The following DNMBP variants were observed in gnomAD, a reference collection of about 807,000 sequenced individuals.
The protein encoded by DNMBP is dynamin-binding protein.
A neutral mutation model predicts 150.0 loss-of-function variants in DNMBP; 87 were observed. The ratio of observed to expected loss-of-function variants is 0.58; its 90% CI spans 0.49 to 0.69. The LOEUF (loss-of-function observed/expected upper bound fraction) is 0.69, where lower values mean the gene tolerates loss of function less well. Among genes scored for constraint, DNMBP ranks in the 30% least tolerant of loss-of-function variants. The probability of loss-of-function intolerance (pLI) is 0.00; values close to 1 mark genes in which losing one functional copy is unlikely to be tolerated. For synonymous variants in DNMBP, 711 were observed against 750.4 expected (o/e 0.95, Z 0.86); for missense variants, 1,774 against 1,949.0 (o/e 0.91, Z 1.69).
At chr10:99,930,916 CG>C (rs1342949419) in intron 4 of DNMBP, 15 of 536,272 alleles carry the variant, frequency 2.8e-5, no homozygotes. Context: ...CTAGTCGGAG[CG>C]CAGTGAGATG....
chr10:99,924,421 C>A (rs1180568571), intron 4 of DNMBP, among the ~76,000 whole-genome samples: 3 of 152,122 alleles, frequency 2.0e-5, no homozygotes, highest in African/African-American at 7.2e-5. Flanking sequence ...CCAGCCCGGG[C>A]GACAGAGCGA....
At chr10:99,992,526 GT>G (rs1164839351) in intron 1 of DNMBP, among the ~76,000 whole-genome samples, 1,378 of 129,588 alleles carry the variant, frequency 0.011, 20 homozygotes, top group East Asian at 0.069. Context: ...GAATCTAGGA[GT>G]TTTTTTTTTT....
At chr10:99,950,349 G>T (rs1044492748) in intron 4 of DNMBP, among the ~76,000 whole-genome samples, 1 of 152,104 alleles carries the variant, frequency 6.6e-6, no homozygotes, top group Non-Finnish European at 1.5e-5. Flanking sequence ...TGTGAACATG[G>T]ACTAATACAG....
intron 4 of DNMBP, among the ~76,000 whole-genome samples, chr10:99,949,486 A>T (rs2040395984): frequency 6.6e-6 from 1 of 152,224 alleles, no homozygotes; most frequent in Admixed American, 6.5e-5. Context: ...CTCTTGAGGG[A>T]TAGCTTATAT....
At chr10:99,961,598 G>T (rs2040566103) in intron 3 of DNMBP, among the ~76,000 whole-genome samples, 1 of 151,462 alleles carries the variant, frequency 6.6e-6, no homozygotes, top group Non-Finnish European at 1.5e-5. Flanking sequence ...TACGACCCTG[G>T]TCCAATTCCC....
chr10:99,948,240 T>C (rs554988780), intron 4 of DNMBP, among the ~76,000 whole-genome samples: 2 of 152,344 alleles, frequency 1.3e-5, no homozygotes, highest in Admixed American at 6.5e-5. Flanking sequence ...ATAAAACCTC[T>C]GAAAATGTTA....
chr10:99,888,443 T>A (rs1470493075), intron 12 of DNMBP, among the ~76,000 whole-genome samples: 4 of 152,174 alleles, frequency 2.6e-5, no homozygotes, highest in Non-Finnish European at 5.9e-5. Context: ...ACTCCTGACC[T>A]CAAGGGATCT....
chr10:99,950,210 G>GT (rs1285577940), intron 4 of DNMBP, among the ~76,000 whole-genome samples: 2 of 152,206 alleles, frequency 1.3e-5, no homozygotes, highest in East Asian at 1.9e-4. Flanking sequence ...TGCCATCCAC[G>GT]TAAGATGTGA....
intron 4 of DNMBP, among the ~76,000 whole-genome samples, chr10:99,947,588 A>T (rs1182195381): frequency 1.3e-5 from 2 of 152,060 alleles, no homozygotes; most frequent in East Asian, 3.9e-4. Context: ...GGAGGGAGGG[A>T]GGCAAAGGTT....
At chr10:99,883,503 AATT>A (rs967063538) in intron 15 of DNMBP, among the ~76,000 whole-genome samples, 1 of 151,900 alleles carries the variant, frequency 6.6e-6, no homozygotes, top group African/African-American at 2.4e-5. Context: ...ATATCTATAA[AATT>A]ATTAAAAAAT....
chr10:99,898,396 T>C (rs2039690636), intron 8 of DNMBP, 111 bp from the exon 9 acceptor site: 2 of 802,144 alleles, frequency 2.5e-6, no homozygotes. Context: ...ATAATAATAA[T>C]GTACACCTAT....
At chr10:100,007,203 C>T (rs1005498795) in intron 1 of DNMBP, among the ~76,000 whole-genome samples, 5 of 152,136 alleles carry the variant, frequency 3.3e-5, no homozygotes, top group East Asian at 1.9e-4. Context: ...CATACACACA[C>T]ACACACTCTT....
At chr10:99,967,161 GA>G (rs1449965777) in intron 3 of DNMBP, among the ~76,000 whole-genome samples, 1 of 152,074 alleles carries the variant, frequency 6.6e-6, no homozygotes, top group African/African-American at 2.4e-5. Context: ...CTACTCGGGA[GA>G]CTGAGGTGGT....
chr10:99,882,006 C>A lies in DNMBP; in HGVS notation c.3998-1645G>T, dbSNP rs138399155. On this transcript the variant is annotated intron_variant, in intron 15 of 16. Transcript: ENST00000324109. The stretch of plus-strand genomic sequence containing the variant: ...CTACATATTTTGTAAAACCCCCCAG[C>A]AGGGTCAGCACCCCGTAATCAATTC... Among the ~76,000 whole-genome samples, 177 of 152,318 alleles carry A rather than the reference C, an allele frequency of 1.2e-3. 3 individuals are homozygous for A. In the East Asian group the frequency reaches 0.029, roughly 25 times the overall value.
intron 4 of DNMBP, among the ~76,000 whole-genome samples, chr10:99,933,974 G>C (rs1460340628): frequency 6.6e-6 from 1 of 152,172 alleles, no homozygotes; most frequent in Non-Finnish European, 1.5e-5. Flanking sequence ...CTGACCTCAT[G>C]ATCCCCCTGC....
At chr10:100,005,808 AT>A (rs1428740111) in intron 1 of DNMBP, among the ~76,000 whole-genome samples, 4 of 151,616 alleles carry the variant, frequency 2.6e-5, no homozygotes, top group Non-Finnish European at 5.9e-5. Flanking sequence ...AGGAAAATGA[AT>A]TACAGCATTA....
chr10:99,955,106 T>G, intron 4 of DNMBP, 108 bp downstream of exon 4: 1 of 899,580 alleles, frequency 1.1e-6, no homozygotes, highest in Non-Finnish European at 1.7e-6. Context: ...ATGTAAATCA[T>G]TTTTTGTCCA....
intron 9 of DNMBP, 111 bp downstream of exon 9, chr10:99,897,975 T>C: frequency 1.2e-6 from 1 of 854,754 alleles, no homozygotes; most frequent in Non-Finnish European, 2.0e-6. Flanking sequence ...ATCACAGCCC[T>C]ATTATACCTA....
intron 4 of DNMBP, among the ~76,000 whole-genome samples, chr10:99,917,084 G>A (rs1291148468): frequency 8.5e-5 from 13 of 152,182 alleles, no homozygotes; most frequent in African/African-American, 2.2e-4. Flanking sequence ...AAGGCCAGGC[G>A]CAGTGGCTCA....
Sources: allele counts gnomAD v4.1 joint callset (sites outside exome capture counted in the v4.1 genomes callset), GRCh38; gene constraint gnomAD v4.1.1; transcripts MANE v1.5; gene names NCBI Gene and HGNC (gene_info 2026-07-23, HGNC 2026-07-21).